CSMD1: variants seen among roughly 807,000 people sequenced by gnomAD.
The protein encoded by CSMD1 is CUB and sushi domain-containing protein 1.
Under a neutral mutation model 417.5 loss-of-function variants are expected in CSMD1, and 213 were observed. The ratio of observed to expected loss-of-function variants is 0.51; its 90% CI spans 0.46 to 0.57. The LOEUF is 0.57. Among genes scored for constraint, CSMD1 ranks in the 20% least tolerant of loss-of-function variants. The probability of loss-of-function intolerance (pLI) is 0.00; values close to 1 mark genes in which losing one functional copy is unlikely to be tolerated. For synonymous variants in CSMD1, 2,862 were observed against 1,736.8 expected, an observed-to-expected ratio of 1.65 and a Z score of -16.11; for missense variants, 6,923 against 4,529.7, an observed-to-expected ratio of 1.53 and a Z score of -15.17.
intron 3 of CSMD1, among the ~76,000 whole-genome samples, chr8:4,200,872 A>G (rs1212291779): frequency 2.7e-5 from 4 of 145,842 alleles, no homozygotes; most frequent in Non-Finnish European, 5.9e-5. Context: ...TAATGATGAT[A>G]ATAATAATAA....
intron 5 of CSMD1, among the ~76,000 whole-genome samples, chr8:3,953,661 G>C (rs147805810): frequency 2.0e-3 from 310 of 152,232 alleles, no homozygotes; most frequent in African/African-American, 6.8e-3. Flanking sequence ...CGCTGGGACT[G>C]GGAGCCTGGG....
At chr8:3,485,538 C>CACAGAG (rs376214281) in intron 11 of CSMD1, among the ~76,000 whole-genome samples, 1 of 134,922 alleles carries the variant, frequency 7.4e-6, no homozygotes, top group African/African-American at 2.9e-5. Flanking sequence ...CACACACACA[C>CACAGAG]AGAGAGAGAG....
chr8:3,415,469 T>A (rs1438236034), intron 12 of CSMD1, among the ~76,000 whole-genome samples: 1 of 152,202 alleles, frequency 6.6e-6, no homozygotes, highest in African/African-American at 2.4e-5. Context: ...GAGATTCTCT[T>A]GGCTCAGCCT....
chr8:4,020,921 T>G (rs1183658302), intron 4 of CSMD1, among the ~76,000 whole-genome samples: 1 of 152,212 alleles, frequency 6.6e-6, no homozygotes, highest in Non-Finnish European at 1.5e-5. Context: ...TGCTGAAACT[T>G]AAAGGGAAGA....
Position 3,370,847 on chromosome 8 carries a change from A to G in CSMD1, c.2783-1477T>C, listed in dbSNP as rs551661176. Among the ~76,000 whole-genome samples, 98 of 152,240 alleles carry G rather than the reference A, an allele frequency of 6.4e-4. 1 individual carries two copies. Among genetic ancestry groups the G allele is most frequent in the Middle Eastern group, 6.8e-3 (2 of 294 alleles). On this transcript the variant is annotated intron_variant, in intron 18 of 69. Coordinates refer to ENST00000635120, the MANE Select transcript of CSMD1 (RefSeq NM_033225.6). ...AATTATTAGCCAGGCATAGTGGCAG[A>G]AGCCTACAATTCCAGCTATTCAGAA...
At chr8:4,700,743 T>C (rs1024114047) in intron 1 of CSMD1, among the ~76,000 whole-genome samples, 5 of 152,186 alleles carry the variant, frequency 3.3e-5, no homozygotes, top group Non-Finnish European at 5.9e-5. Context: ...CACATTTTAT[T>C]ATATGCAACT....
intron 3 of CSMD1, among the ~76,000 whole-genome samples, chr8:4,065,816 G>T (rs749013795): frequency 1.3e-5 from 2 of 152,156 alleles, no homozygotes; most frequent in Non-Finnish European, 2.9e-5. Context: ...TGCTTGAGGA[G>T]TTTTCTTTTT....
At chr8:4,673,080 G>C (rs759145512) in intron 1 of CSMD1, among the ~76,000 whole-genome samples, 7 of 150,820 alleles carry the variant, frequency 4.6e-5, no homozygotes, top group Non-Finnish European at 1.0e-4. Flanking sequence ...CACACACAAG[G>C]TGAAACAACA....
At chr8:4,569,119 G>C (rs111311008) in intron 2 of CSMD1, among the ~76,000 whole-genome samples, 4,677 of 151,036 alleles carry the variant, frequency 0.031, 229 homozygotes, top group African/African-American at 0.11. Context: ...TTGTTTGTTT[G>C]TTTGCTGTGC....
In CSMD1 at chr8:3,605,281, C is replaced by T. The variant is rs973027423; in HGVS notation, c.1097+11429G>A. Reference sequence around the variant, plus strand: ...CTGGGTTTACAGGCGTGCGCCATCGCGCCCAGATGAAAGCAATTCTTACTG... The same window carrying T: ...CTGGGTTTACAGGCGTGCGCCATCGTGCCCAGATGAAAGCAATTCTTACTG... On this transcript the variant is annotated intron_variant, in intron 8 of 69. Transcript: ENST00000635120. 3.4e-4 allele frequency among the ~76,000 whole-genome samples: 52 copies of T among 152,290 alleles called. 1 individual carries two copies. Among genetic ancestry groups the T allele is most frequent in the African/African-American group, 7.7e-4 (32 of 41,558 alleles).
chr8:4,774,062 C>A (rs190814188), intron 1 of CSMD1, among the ~76,000 whole-genome samples: 1 of 151,960 alleles, frequency 6.6e-6, no homozygotes, highest in Non-Finnish European at 1.5e-5. Flanking sequence ...CTGGGCATGG[C>A]GATAGATGCC....
chr8:4,177,268 T>C (rs1020304430), intron 3 of CSMD1, among the ~76,000 whole-genome samples: 1 of 152,112 alleles, frequency 6.6e-6, no homozygotes, highest in Non-Finnish European at 1.5e-5. Context: ...AACTCAGGAT[T>C]AAGAAACTCA....
intron 2 of CSMD1, among the ~76,000 whole-genome samples, chr8:4,450,108 A>G (rs996391505): frequency 3.3e-5 from 5 of 152,056 alleles, no homozygotes; most frequent in African/African-American, 1.2e-4. Context: ...TTTATCCTGT[A>G]CACCAGCACT....
intron 26 of CSMD1, among the ~76,000 whole-genome samples, chr8:3,268,289 ATTTTTTTTTTT>A (rs1163842745): frequency 8.3e-5 from 7 of 84,302 alleles, no homozygotes; most frequent in African/African-American, 2.6e-4. Flanking sequence ...TTCATTTCCT[ATTTTTTTTTTT>A]TTTTTTTTTT....
intron 12 of CSMD1, among the ~76,000 whole-genome samples, chr8:3,428,739 G>C (rs1814015839): frequency 6.6e-6 from 1 of 152,154 alleles, no homozygotes; most frequent in African/African-American, 2.4e-5. Flanking sequence ...GTACATGGAA[G>C]AGATAGCTGC....
intron 10 of CSMD1, among the ~76,000 whole-genome samples, chr8:3,546,861 T>C (rs993587430): frequency 1.7e-4 from 26 of 152,132 alleles, no homozygotes; most frequent in African/African-American, 5.6e-4. Context: ...AGGTGAAATA[T>C]TGGAAAAACG....
chr8:4,607,198 G>A (rs1396414542), intron 2 of CSMD1, among the ~76,000 whole-genome samples: 2 of 152,098 alleles, frequency 1.3e-5, no homozygotes, highest in Admixed American at 1.3e-4. Context: ...AGTGTCGGCA[G>A]GAGTGGGAGA....
chr8:3,128,620 T>C (rs1194719398), intron 41 of CSMD1: 5 of 296,512 alleles, frequency 1.7e-5, no homozygotes, highest in Non-Finnish European at 3.3e-5. Flanking sequence ...AATTTATCAA[T>C]TTTATAAAAT....
Position 3,142,678 on chromosome 8 carries a change from T to A in CSMD1, c.6032-4A>T. 5 of 1,599,556 alleles carry A rather than the reference T, an allele frequency of 3.1e-6. No homozygotes were observed. Among genetic ancestry groups the A allele is most frequent in the Non-Finnish European group, 4.3e-6 (5 of 1,166,796 alleles). The stretch of plus-strand genomic sequence containing the variant: ...TTCAGAAACTGAATATGTGCACCTA[T>A]GGAAAAACATGCAAACTTAATGAAA... On this transcript the variant is annotated splice_polypyrimidine_tract_variant and splice_region_variant and intron_variant, in intron 40 of 69. Transcript: ENST00000635120.
Sources: allele counts gnomAD v4.1 joint callset (sites outside exome capture counted in the v4.1 genomes callset), GRCh38; gene constraint gnomAD v4.1.1; transcripts MANE v1.5; gene names NCBI Gene and HGNC (gene_info 2026-07-23, HGNC 2026-07-21).